MIER2: variants seen among roughly 807,000 people sequenced by gnomAD.
The protein encoded by MIER2 is mesoderm induction early response protein 2.
Under a neutral mutation model 67.6 loss-of-function variants are expected in MIER2, and 30 were observed. The ratio of observed to expected loss-of-function variants is 0.44; its 90% CI spans 0.33 to 0.60. The LOEUF (loss-of-function observed/expected upper bound fraction) is 0.60, where lower values mean the gene tolerates loss of function less well. MIER2 is among the 20% of genes least tolerant of loss of function. MIER2 has a pLI of 0.02. For synonymous variants in MIER2, 372 were observed against 312.6 expected (o/e 1.19, Z -2.00); for missense variants, 702 against 745.1 (o/e 0.94, Z 0.67).
At chr19:333,688 TTC>T (rs936880578) in intron 3 of MIER2, among the ~76,000 whole-genome samples, 1 of 103,460 alleles carries the variant, frequency 9.7e-6, no homozygotes, top group Admixed American at 1.1e-4. Flanking sequence ...TAATTTTGTA[TTC>T]TTTTTTTTCT....
chr19:315,135 C>T (rs563369352), intron 7 of MIER2, among the ~76,000 whole-genome samples: 139 of 152,186 alleles, frequency 9.1e-4, no homozygotes, highest in Non-Finnish European at 1.4e-3. Flanking sequence ...GAGGCTGAGG[C>T]GGGCGGGTCA....
Position 338,059 on chromosome 19 carries a change from T to C in MIER2, c.10-1886A>G, listed in dbSNP as rs1332851988. 8.5e-5 allele frequency among the ~76,000 whole-genome samples: 11 copies of C among 128,948 alleles called. No individual in the cohort carries two copies. In the East Asian group the frequency reaches 2.6e-3, roughly 30 times the overall value. 84.6% of individuals were successfully genotyped at this position (128,948 alleles called of 152,430 possible). A position where few individuals can be genotyped will look rare whatever the true frequency, so the allele number is the denominator to read the frequency against. The stretch of plus-strand genomic sequence containing the variant: ...TGGTGGCGGGCACCTGTAGTCCCAG[T>C]TACTCGGGAGGCTGAGGCAGGAGGA... On this transcript the variant is annotated intron_variant, in intron 1 of 13. Coordinates refer to ENST00000264819, the MANE Select transcript of MIER2 (RefSeq NM_017550.3).
intron 1 of MIER2, among the ~76,000 whole-genome samples, chr19:341,246 C>T (rs1249161944): frequency 1.3e-5 from 2 of 152,166 alleles, no homozygotes; most frequent in Non-Finnish European, 2.9e-5. Flanking sequence ...GGATGGCAGG[C>T]GACCACATCA....
chr19:317,169 C>A (rs1161492819), intron 7 of MIER2, among the ~76,000 whole-genome samples: 1 of 152,038 alleles, frequency 6.6e-6, no homozygotes, highest in Non-Finnish European at 1.5e-5. Context: ...CCGACGTGGG[C>A]GGATCACGAG....
rs1366452937 is a variant in MIER2, at chr19:317,685, G to A, written c.656-4042C>T. Among the ~76,000 whole-genome samples the A allele has an allele frequency of 1.1e-4, 16 of 142,804 alleles. 1 individual carries two copies. Among genetic ancestry groups the A allele is most frequent in the South Asian group, 8.9e-4 (4 of 4,504 alleles). The allele number at this position is 142,804 out of a possible 152,430, so 93.7% of individuals were successfully genotyped here. On this transcript the variant is annotated intron_variant, in intron 7 of 13. Coordinates refer to ENST00000264819, the MANE Select transcript of MIER2 (RefSeq NM_017550.3). The stretch of plus-strand genomic sequence containing the variant: ...GTGGAGGTTGCCGTGAAGTAAGATC[G>A]CATCACTGCACTCCAGCCTGGGCAA...
chr19:327,209 C>A lies in MIER2; in HGVS notation c.417G>T (p.Thr139=), dbSNP rs368337556. 1.3e-6 allele frequency: 2 copies of A among 1,589,396 alleles called. No homozygotes were observed. Among genetic ancestry groups the A allele is most frequent in the Admixed American group, 1.9e-5 (1 of 52,592 alleles). ...GGGTGAGGTCGTCAGCAGATGATTG[C>A]GTCTCTTCCTCTTCTTCCCCTGAAA... ...DLLSGEEEEE[T]QSSADDLTPS... Residue 139 remains threonine, a synonymous_variant, in exon 5 of 14, where the codon ACG becomes ACT. Transcript: ENST00000264819.
chr19:317,310 G>A (rs975519614), intron 7 of MIER2, among the ~76,000 whole-genome samples: 16 of 151,942 alleles, frequency 1.1e-4, no homozygotes, highest in Admixed American at 2.0e-4. Flanking sequence ...GGCGGATCAC[G>A]AGGTCAGGAG....
chr19:343,704 T>A, intron 1 of MIER2: 1 of 434,660 alleles, frequency 2.3e-6, no homozygotes, highest in Non-Finnish European at 3.1e-6. Flanking sequence ...ATCCCAGAGA[T>A]AGGATCAGCT....
At chr19:343,850 A>G (rs1301592196) in intron 1 of MIER2, 7 of 985,268 alleles carry the variant, frequency 7.1e-6, no homozygotes, top group Non-Finnish European at 6.0e-6. Context: ...CCAAGGTGAA[A>G]GCAAGTCCAC....
At chr19:312,005 CA>C in intron 9 of MIER2, 66 bp from the exon 10 acceptor site, 5 of 1,314,036 alleles carry the variant, frequency 3.8e-6, no homozygotes, top group African/African-American at 1.4e-5. Flanking sequence ...AAGGAAGGCC[CA>C]GGCCGGGGAG....
chr19:311,777 G>A lies in MIER2; in HGVS notation c.984+68C>T, dbSNP rs1268437294. ...GCCTCCAGTCGGCCGTGTGCTGTGT[G>A]CCTGCGGACCCTGAGCCCCTCCCCA... On this transcript the variant is annotated intron_variant, in intron 10 of 13. Coordinates refer to ENST00000264819, the MANE Select transcript of MIER2 (RefSeq NM_017550.3). 7 of 1,486,192 alleles carry A rather than the reference G, an allele frequency of 4.7e-6. No individual in the cohort carries two copies. In the South Asian group the frequency reaches 5.8e-5, roughly 12 times the overall value. The allele number at this position is 1,486,192 out of a possible 1,614,324, so 92.1% of individuals were successfully genotyped here.
intron 7 of MIER2, among the ~76,000 whole-genome samples, chr19:317,316 A>G (rs1443382102): frequency 6.6e-6 from 1 of 151,936 alleles, no homozygotes; most frequent in Non-Finnish European, 1.5e-5. Flanking sequence ...TCACGAGGTC[A>G]GGAGATCGAG....
At chr19:328,890 A>T (rs1156453482) in intron 3 of MIER2, among the ~76,000 whole-genome samples, 1 of 152,228 alleles carries the variant, frequency 6.6e-6, no homozygotes, top group South Asian at 2.1e-4. Context: ...ATTAACGAAC[A>T]CTGTTTTGAT....
intron 1 of MIER2, 76 bp from the exon 2 acceptor site, chr19:336,249 A>T: frequency 1.6e-6 from 2 of 1,244,228 alleles, no homozygotes; most frequent in South Asian, 2.6e-5. Flanking sequence ...GGCAGCCAAG[A>T]GCAAGCGCTG....
At chr19:324,252 C>T (rs941586138) in intron 7 of MIER2, among the ~76,000 whole-genome samples, 1 of 136,010 alleles carries the variant, frequency 7.4e-6, no homozygotes, top group Non-Finnish European at 1.5e-5. Context: ...CACACACAAC[C>T]ACGCAGACAA....
chr19:321,995 C>G (rs932474394), intron 7 of MIER2, among the ~76,000 whole-genome samples: 1 of 152,146 alleles, frequency 6.6e-6, no homozygotes, highest in African/African-American at 2.4e-5. Context: ...AGCTCCGCCT[C>G]CCGGGTTCAC....
At chr19:342,298 A>G (rs1972542533) in intron 1 of MIER2, among the ~76,000 whole-genome samples, 1 of 152,166 alleles carries the variant, frequency 6.6e-6, no homozygotes, top group South Asian at 2.1e-4. Context: ...TTGGACACAG[A>G]CAACAAACAA....
At chr19:311,797 T>A in intron 10 of MIER2, 48 bp downstream of exon 10, 2 of 1,593,842 alleles carry the variant, frequency 1.3e-6, no homozygotes, top group Non-Finnish European at 1.7e-6. Context: ...CCTGAGCCCC[T>A]CCCCAGATCG....
At chr19:306,807 C>G in intron 13 of MIER2, 96 bp from the exon 14 acceptor site, 1 of 1,534,066 alleles carries the variant, frequency 6.5e-7, no homozygotes, top group Non-Finnish European at 8.8e-7. Flanking sequence ...AGACTCCCAG[C>G]CTTGCCTCCC....
Sources: gnomAD v4.1 joint callset for allele counts (sites outside exome capture counted in the v4.1 genomes callset) on GRCh38, gnomAD v4.1.1 for gene constraint, MANE v1.5 for transcripts, NCBI Gene and HGNC (gene_info 2026-07-23, HGNC 2026-07-21) for gene names.